ZCRB1: variants seen among roughly 807,000 people sequenced by gnomAD.
ZCRB1 encodes zinc finger CCHC-type and RNA-binding motif-containing protein 1.
Under a neutral mutation model 29.9 loss-of-function variants are expected in ZCRB1, and 21 were observed. The ratio of observed to expected loss-of-function variants is 0.70; its 90% CI spans 0.50 to 1.01. The LOEUF (loss-of-function observed/expected upper bound fraction) is 1.01, where lower values mean the gene tolerates loss of function less well. Among genes scored for constraint, ZCRB1 ranks in the 50% least tolerant of loss-of-function variants. ZCRB1 has a pLI of 0.00. For synonymous variants in ZCRB1, 77 were observed against 80.0 expected (o/e 0.96, Z 0.20); for missense variants, 204 against 253.3 (o/e 0.81, Z 1.32).
In ZCRB1 at chr12:42,317,941, TA is replaced by T. The variant is rs1463878257; in HGVS notation, c.114-44del. ...GAGTTAAAAATGAGGCAGCAATAAATAAAACAGATACTAATACTTGAAAAAT... is the reference window on the plus strand; with the variant it reads ...GAGTTAAAAATGAGGCAGCAATAAATAAACAGATACTAATACTTGAAAAAT... On this transcript the variant is annotated intron_variant, in intron 3 of 7. Coordinates refer to ENST00000266529, the MANE Select transcript of ZCRB1 (RefSeq NM_033114.4). The T allele has an allele frequency of 5.5e-6, 8 of 1,465,602 alleles. No individual in the cohort carries two copies. In the Admixed American group the frequency reaches 9.6e-5, roughly 18 times the overall value. 90.8% of individuals were successfully genotyped at this position (1,465,602 alleles called of 1,614,324 possible).
chr12:42,314,050 C>T, intron 5 of ZCRB1, 64 bp from the exon 6 acceptor site: 3 of 1,523,966 alleles, frequency 2.0e-6, no homozygotes, highest in African/African-American at 1.4e-5. Flanking sequence ...TAAAAACTTG[C>T]CTGGTACCTT....
chr12:42,315,218 C>T (rs1403542775), intron 5 of ZCRB1, among the ~76,000 whole-genome samples: 1 of 152,140 alleles, frequency 6.6e-6, no homozygotes, highest in Non-Finnish European at 1.5e-5. Flanking sequence ...GGCTATTATT[C>T]CTACTTAGCT....
chr12:42,323,637 CT>C (rs1225846952), intron 2 of ZCRB1: 1,671 of 152,124 alleles, frequency 0.011, 5 homozygotes, highest in African/African-American at 0.021. Context: ...ATTTTTTTTT[CT>C]TTTTTTTTTT....
intron 5 of ZCRB1, 87 bp from the exon 6 acceptor site, chr12:42,314,073 T>G (rs1469150501): frequency 1.4e-5 from 19 of 1,404,286 alleles, no homozygotes; most frequent in Non-Finnish European, 1.7e-5. Flanking sequence ...TACTAAAAAG[T>G]TTTCAAATTT....
chr12:42,318,973 G>C (rs964657432), intron 3 of ZCRB1, among the ~76,000 whole-genome samples: 1 of 152,116 alleles, frequency 6.6e-6, no homozygotes, highest in Admixed American at 6.5e-5. Context: ...GGGAGGGAAG[G>C]CTCTTGCTTA....
chr12:42,314,397 TAAAAAAAAAAAAAAA>T (rs71084639), intron 5 of ZCRB1, among the ~76,000 whole-genome samples: 17 of 27,758 alleles, frequency 6.1e-4, no homozygotes, highest in African/African-American at 2.4e-3. Flanking sequence ...CCGTCTCTAC[TAAAAAAAAAAAAAAA>T]AAAAAAAAAA....
intron 3 of ZCRB1, among the ~76,000 whole-genome samples, chr12:42,320,900 GAAGT>G (rs1333045593): frequency 1.3e-5 from 2 of 152,170 alleles, no homozygotes; most frequent in African/African-American, 2.4e-5. Context: ...ACCTGACCAA[GAAGT>G]AAGATGAGGA....
At chr12:42,323,883 C>T in intron 2 of ZCRB1, 136 bp downstream of exon 2, 1 of 749,158 alleles carries the variant, frequency 1.3e-6, no homozygotes, top group East Asian at 2.6e-5. Flanking sequence ...GCACTACAGC[C>T]TCGTGCCTCA....
chr12:42,323,829 C>T (rs1377448803), intron 2 of ZCRB1, 190 bp downstream of exon 2: 3 of 572,738 alleles, frequency 5.2e-6, no homozygotes, highest in African/African-American at 3.8e-5. Context: ...GGGAGGATCA[C>T]CTGAGGGGGC....
chr12:42,314,442 A>G (rs1016321151), intron 5 of ZCRB1, among the ~76,000 whole-genome samples: 5 of 146,100 alleles, frequency 3.4e-5, no homozygotes, highest in Middle Eastern at 3.6e-3. Context: ...TTAGTTGGGC[A>G]TAAGTGGCAC....
intron 7 of ZCRB1, 24 bp downstream of exon 7, chr12:42,313,666 C>G: frequency 6.2e-7 from 1 of 1,608,872 alleles, no homozygotes; most frequent in Non-Finnish European, 8.5e-7. Context: ...TTGTATGATG[C>G]CTTTTAAAAG....
chr12:42,317,708 C>T, intron 4 of ZCRB1, 79 bp downstream of exon 4: 1 of 1,214,742 alleles, frequency 8.2e-7, no homozygotes, highest in Non-Finnish European at 1.2e-6. Context: ...CCTGATGATC[C>T]ACTATATCCC....
chr12:42,322,392 T>G (rs781749031), intron 3 of ZCRB1, 26 bp downstream of exon 3: 11 of 1,451,480 alleles, frequency 7.6e-6, no homozygotes, highest in Non-Finnish European at 1.0e-5. Context: ...TTAAATGAAG[T>G]TACAAAATTT....
rs757541149 is a variant in ZCRB1 at position 42,313,194 on chromosome 12, G to A, written c.527C>T (p.Ala176Val). The part of the protein sequence containing the change: ...SLSQAIAFQQ[A>V]KIEEEQKKWK... Reference sequence around the variant, plus strand: ...TTTTTTTTGTTCTTCTTCAATTTTGGCTTGCTGTGATTCAAAAAACAAAAC... The same window carrying A: ...TTTTTTTTGTTCTTCTTCAATTTTGACTTGCTGTGATTCAAAAAACAAAAC... Residue 176 changes from alanine (A) to valine (V), a missense_variant, in exon 8 of 8, where the codon GCC becomes GTC. By Grantham distance (64) the Ala-to-Val change is moderately conservative. Coordinates refer to ENST00000266529, the MANE Select transcript of ZCRB1 (RefSeq NM_033114.4). The A allele has an allele frequency of 1.2e-6, 2 of 1,604,182 alleles. No individual in the cohort carries two copies. Among genetic ancestry groups the A allele is most frequent in the East Asian group, 2.2e-5 (1 of 44,684 alleles).
chr12:42,324,001 T>C lies in ZCRB1; in HGVS notation c.84+18A>G, dbSNP rs1197119430. ...TATCTGTATCTCAAATAGCAGTCAC[T>C]CGATAAGATTTACTTACCCGGTACA... On this transcript the variant is annotated intron_variant, in intron 2 of 7. Coordinates refer to ENST00000266529, the MANE Select transcript of ZCRB1 (RefSeq NM_033114.4). The C allele has an allele frequency of 6.3e-7, 1 of 1,599,368 alleles. No homozygotes were observed. The highest frequency in any genetic ancestry group is 8.6e-7 in the Non-Finnish European group (1 of 1,167,134).
intron 5 of ZCRB1, among the ~76,000 whole-genome samples, chr12:42,315,919 G>A (rs1231242720): frequency 6.6e-6 from 1 of 151,988 alleles, no homozygotes; most frequent in African/African-American, 2.4e-5. Flanking sequence ...CCATCAGTCT[G>A]TTTATTTAGT....
In ZCRB1 at chr12:42,322,218, T is replaced by C. The variant is rs574449836; in HGVS notation, c.113+200A>G. The stretch of plus-strand genomic sequence containing the variant: ...AATTAAAAAAGAAAAGAAAATTGTA[T>C]GTATGTAATAGTCTTTAAGAAAAAT... On this transcript the variant is annotated intron_variant, in intron 3 of 7. Transcript: ENST00000266529. 4.7e-5 allele frequency among the ~76,000 whole-genome samples: 7 copies of C among 147,730 alleles called. No homozygotes were observed. In the South Asian group the frequency reaches 1.5e-3, roughly 33 times the overall value.
chr12:42,324,277 T>C (rs527452874), intron 1 of ZCRB1, among the ~76,000 whole-genome samples, 173 bp from the exon 2 acceptor site: 3 of 152,038 alleles, frequency 2.0e-5, no homozygotes, highest in Non-Finnish European at 4.4e-5. Flanking sequence ...GCCTCCCGAG[T>C]AGCTGGGATT....
Position 42,322,444 on chromosome 12 carries a change from T to C in ZCRB1, c.87A>G (p.Ile29Met), listed in dbSNP as rs1327454752. 6.0e-6 allele frequency: 9 copies of C among 1,489,950 alleles called. No homozygotes were observed. Among genetic ancestry groups the C allele is most frequent in the Middle Eastern group, 1.8e-4 (1 of 5,614 alleles). 92.3% of individuals were successfully genotyped at this position (1,489,950 alleles called of 1,614,324 possible). The change falls in exon 3 of 8, where the codon ATA (isoleucine) becomes ATG (methionine). Residue 29 changes from isoleucine (I) to methionine (M), a missense_variant and splice_region_variant. Physicochemically the swap from Ile to Met is conservative, Grantham distance 10. Coordinates refer to ENST00000266529, the MANE Select transcript of ZCRB1 (RefSeq NM_033114.4). ...FSLTNNDLYR[I>M]FSKYGKVVKV... is the part of the protein sequence containing the mutation. ...TTACAACTTTGCCATACTTGGAAAA[T>C]ATCTGAAACAAAAGACCAAATATTT...
Sources: gnomAD v4.1 joint callset for allele counts (sites outside exome capture counted in the v4.1 genomes callset) on GRCh38, gnomAD v4.1.1 for gene constraint, MANE v1.5 for transcripts, NCBI Gene and HGNC (gene_info 2026-07-23, HGNC 2026-07-21) for gene names.